NME7: variants seen among roughly 807,000 people sequenced by gnomAD.
NME7 encodes the protein NME/NM23 family member 7.
Under a neutral mutation model 49.1 loss-of-function variants are expected in NME7, and 41 were observed. The observed-to-expected ratio is 0.83, with a 90% confidence interval of 0.65 to 1.08. NME7 has a LOEUF of 1.08. Ranked by LOEUF, NME7 falls within the 50% of genes least tolerant of loss-of-function variation. The pLI, the probability that NME7 is intolerant of heterozygous loss-of-function variation, is 0.00. For synonymous variants in NME7, 139 were observed against 150.6 expected, an observed-to-expected ratio of 0.92 and a Z score of 0.56; for missense variants, 423 against 463.4, an observed-to-expected ratio of 0.91 and a Z score of 0.80.
intron 10 of NME7, among the ~76,000 whole-genome samples, chr1:169,193,914 A>C (rs1303523046): frequency 6.6e-6 from 1 of 152,124 alleles, no homozygotes; most frequent in Non-Finnish European, 1.5e-5. Context: ...AAAAAAGAAA[A>C]ATAGTGAATG....
chr1:169,278,507 G>A (rs201269652), intron 7 of NME7, among the ~76,000 whole-genome samples: 10,355 of 151,610 alleles, frequency 0.068, 1,417 homozygotes, highest in East Asian at 0.66. Context: ...CATTCTTCAC[G>A]TAGTTCTCGA....
intron 1 of NME7, among the ~76,000 whole-genome samples, chr1:169,354,187 T>C (rs545479943): frequency 1.3e-5 from 2 of 152,216 alleles, no homozygotes; most frequent in African/African-American, 4.8e-5. Flanking sequence ...ATATGGTACA[T>C]ATACCAAATG....
chr1:169,288,044 C>A (rs1254298820), intron 6 of NME7, among the ~76,000 whole-genome samples: 1 of 152,116 alleles, frequency 6.6e-6, no homozygotes, highest in African/African-American at 2.4e-5. Flanking sequence ...TGTCTCTAAG[C>A]TTTCACTGCT....
chr1:169,193,284 TA>T (rs1415051959), intron 10 of NME7, among the ~76,000 whole-genome samples: 1 of 152,154 alleles, frequency 6.6e-6, no homozygotes, highest in African/African-American at 2.4e-5. Context: ...TGATTACATT[TA>T]AGGGCCCCCA....
At chr1:169,196,171 T>C (rs915622570) in intron 10 of NME7, among the ~76,000 whole-genome samples, 3 of 152,246 alleles carry the variant, frequency 2.0e-5, no homozygotes, top group Non-Finnish European at 4.4e-5. Context: ...CTAAATTTGC[T>C]GGAAGAATCT....
intron 10 of NME7, among the ~76,000 whole-genome samples, chr1:169,210,811 T>C (rs1660790068): frequency 6.6e-6 from 1 of 152,072 alleles, no homozygotes; most frequent in African/African-American, 2.4e-5. Context: ...ACTGAACAAT[T>C]ATCAGCTACC....
chr1:169,159,166 G>C (rs1659168097), intron 11 of NME7, among the ~76,000 whole-genome samples: 1 of 152,160 alleles, frequency 6.6e-6, no homozygotes, highest in African/African-American at 2.4e-5. Context: ...GGAAGTGTTA[G>C]CTCAGCTGGC....
rs1018672767 is a variant in NME7, at chr1:169,366,020, A to C, written c.3+1688T>G. Among the ~76,000 whole-genome samples, 3 of 152,332 alleles carry C rather than the reference A, an allele frequency of 2.0e-5. No individual in the cohort carries two copies. In the East Asian group the frequency reaches 5.8e-4, roughly 29 times the overall value. ...ACATTTGAGACAGATGTGTCCGGGA[A>C]GCAACTGAGTTAGGCATTAGTAGAT... On this transcript the variant is annotated intron_variant, in intron 1 of 11. Coordinates refer to ENST00000367811, the MANE Select transcript of NME7 (RefSeq NM_013330.5).
intron 8 of NME7, 65 bp downstream of exon 8, chr1:169,237,558 A>G: frequency 8.4e-7 from 1 of 1,197,048 alleles, no homozygotes; most frequent in Non-Finnish European, 1.2e-6. Flanking sequence ...TTCAATGTAA[A>G]GCATTTTATA....
chr1:169,203,318 A>G (rs1015254003), intron 10 of NME7, among the ~76,000 whole-genome samples: 2 of 152,154 alleles, frequency 1.3e-5, no homozygotes, highest in Non-Finnish European at 2.9e-5. Flanking sequence ...TACAAATGGT[A>G]ACCCTCTTCT....
intron 11 of NME7, among the ~76,000 whole-genome samples, chr1:169,133,370 C>G (rs553772353): frequency 1.3e-5 from 2 of 152,312 alleles, no homozygotes; most frequent in Admixed American, 6.5e-5. Flanking sequence ...TTTCGCAAAG[C>G]CTGTGCAGGC....
At chr1:169,209,885 T>C (rs1452772220) in intron 10 of NME7, among the ~76,000 whole-genome samples, 1 of 152,148 alleles carries the variant, frequency 6.6e-6, no homozygotes, top group Non-Finnish European at 1.5e-5. Flanking sequence ...TCAGAATAAA[T>C]GAAAATCTTT....
chr1:169,363,336 C>T lies in NME7; in HGVS notation c.3+4372G>A, dbSNP rs1480114701. Among the ~76,000 whole-genome samples the T allele has an allele frequency of 1.2e-4, 19 of 152,186 alleles. No individual in the cohort carries two copies. In the South Asian group the frequency reaches 1.7e-3, roughly 13 times the overall value. On this transcript the variant is annotated intron_variant, in intron 1 of 11. Coordinates refer to ENST00000367811, the MANE Select transcript of NME7 (RefSeq NM_013330.5). ...GTCTTGAACTTTGTGGATCAGGACT[C>T]ACAGTAAGAAATATATTTTACATCA...
chr1:169,143,740 C>A (rs954596709), intron 11 of NME7, among the ~76,000 whole-genome samples: 1 of 152,164 alleles, frequency 6.6e-6, no homozygotes, highest in African/African-American at 2.4e-5. Flanking sequence ...GTCTTCCTGG[C>A]AACTTCCATT....
At chr1:169,178,276 A>G (rs2101744586) in intron 10 of NME7, among the ~76,000 whole-genome samples, 1 of 152,276 alleles carries the variant, frequency 6.6e-6, no homozygotes, top group East Asian at 1.9e-4. Flanking sequence ...TCTAAAAACT[A>G]CATTCCCCAG....
intron 1 of NME7, among the ~76,000 whole-genome samples, chr1:169,367,225 G>A (rs1400158348): frequency 1.3e-5 from 2 of 152,162 alleles, no homozygotes; most frequent in African/African-American, 4.8e-5. Flanking sequence ...GGATAGAAGA[G>A]CGCTGATCCA....
At chr1:169,358,297 A>C (rs1244762209) in intron 1 of NME7, among the ~76,000 whole-genome samples, 8 of 152,096 alleles carry the variant, frequency 5.3e-5, no homozygotes, top group Non-Finnish European at 8.8e-5. Context: ...TTCACAAAAA[A>C]TGCTTTAAGG....
At chr1:169,224,346 A>G (rs1557995409) in intron 10 of NME7, among the ~76,000 whole-genome samples, 1 of 152,154 alleles carries the variant, frequency 6.6e-6, no homozygotes, top group African/African-American at 2.4e-5. Context: ...TTCCTTCTAC[A>G]GGGAAACCAT....
At chr1:169,203,127 A>G (rs1160146347) in intron 10 of NME7, among the ~76,000 whole-genome samples, 1 of 152,132 alleles carries the variant, frequency 6.6e-6, no homozygotes, top group East Asian at 1.9e-4. Context: ...TCAGGCTTGC[A>G]ATGGAAAATT....
Sources: gnomAD v4.1 joint callset for allele counts (sites outside exome capture counted in the v4.1 genomes callset) on GRCh38, gnomAD v4.1.1 for gene constraint, MANE v1.5 for transcripts, NCBI Gene and HGNC (gene_info 2026-07-23, HGNC 2026-07-21) for gene names.